NTNG1: variants seen among roughly 807,000 people sequenced by gnomAD.
NTNG1 encodes the protein netrin G1.
NTNG1 carries 16 observed loss-of-function variants against 54.0 expected under a neutral mutation model. The ratio of observed to expected loss-of-function variants is 0.30; its 90% CI spans 0.20 to 0.45. NTNG1 has a LOEUF of 0.45. NTNG1 is among the 20% of genes least tolerant of loss of function. The probability of loss-of-function intolerance (pLI) is 1.00; values close to 1 mark genes in which losing one functional copy is unlikely to be tolerated. For missense variants in NTNG1, 530 were observed against 678.7 expected (o/e 0.78, Z 2.43); for synonymous variants, 255 against 263.1 (o/e 0.97, Z 0.30).
intron 2 of NTNG1, 115 bp from the exon 3 acceptor site, chr1:107,324,167 T>A (rs1213017096): frequency 4.5e-6 from 4 of 886,612 alleles, no homozygotes; most frequent in Non-Finnish European, 7.1e-6. Flanking sequence ...TAAAAATGAT[T>A]ACTGAAAACA....
intron 2 of NTNG1, among the ~76,000 whole-genome samples, chr1:107,183,662 A>G (rs979511605): frequency 6.6e-6 from 1 of 152,166 alleles, no homozygotes; most frequent in Admixed American, 6.6e-5. Flanking sequence ...CATGCTTCAT[A>G]GAAATGTCAC....
At chr1:107,149,697 T>G (rs189547180) in intron 2 of NTNG1, among the ~76,000 whole-genome samples, 44 of 152,202 alleles carry the variant, frequency 2.9e-4, no homozygotes, top group Admixed American at 1.1e-3. Flanking sequence ...TAAGTATTAG[T>G]AAAGAGGCTG....
intron 2 of NTNG1, among the ~76,000 whole-genome samples, chr1:107,255,051 A>G (rs999164133): frequency 5.9e-5 from 9 of 152,222 alleles, no homozygotes; most frequent in Non-Finnish European, 2.9e-5. Context: ...GGCACTGAAA[A>G]TACCTAGGAC....
chr1:107,371,407 G>T (rs1670916084), intron 3 of NTNG1, among the ~76,000 whole-genome samples: 2 of 152,012 alleles, frequency 1.3e-5, no homozygotes, highest in East Asian at 1.9e-4. Context: ...GTTTATAAGG[G>T]TTATTGGCCT....
At chr1:107,379,809 C>T (rs1162634036) in intron 3 of NTNG1, among the ~76,000 whole-genome samples, 4 of 152,226 alleles carry the variant, frequency 2.6e-5, no homozygotes, top group South Asian at 4.2e-4. Context: ...GTTAAGCAAC[C>T]TGCTAGCAGG....
At chr1:107,475,578 C>T (rs1054109205) in intron 7 of NTNG1, among the ~76,000 whole-genome samples, 2 of 152,184 alleles carry the variant, frequency 1.3e-5, no homozygotes, top group African/African-American at 4.8e-5. Context: ...AATTCAAGTA[C>T]TTAGTCACCT....
chr1:107,256,895 G>A (rs911822427), intron 2 of NTNG1, among the ~76,000 whole-genome samples: 4 of 152,150 alleles, frequency 2.6e-5, no homozygotes, highest in African/African-American at 9.7e-5. Context: ...TCCTATACCT[G>A]TCAAAATGTC....
intron 3 of NTNG1, among the ~76,000 whole-genome samples, chr1:107,341,264 G>A (rs1201854898): frequency 1.3e-5 from 2 of 151,850 alleles, no homozygotes; most frequent in African/African-American, 2.4e-5. Context: ...TTATATTGAT[G>A]GACCGAGTTT....
chr1:107,323,512 A>T (rs960932620), intron 2 of NTNG1, among the ~76,000 whole-genome samples: 1 of 152,174 alleles, frequency 6.6e-6, no homozygotes, highest in Non-Finnish European at 1.5e-5. Flanking sequence ...TAACAAACAC[A>T]TCAAGTGGCT....
chr1:107,471,493 A>G (rs940634435), intron 7 of NTNG1, among the ~76,000 whole-genome samples: 7 of 152,214 alleles, frequency 4.6e-5, no homozygotes, highest in African/African-American at 1.7e-4. Context: ...ATGGAGCAGT[A>G]GATGCAGGTT....
intron 2 of NTNG1, among the ~76,000 whole-genome samples, chr1:107,197,375 C>T (rs1253005924): frequency 6.6e-6 from 1 of 151,996 alleles, no homozygotes; most frequent in Non-Finnish European, 1.5e-5. Context: ...TGGCAAACGT[C>T]AATACTTTGG....
intron 2 of NTNG1, among the ~76,000 whole-genome samples, chr1:107,169,293 T>C (rs72979572): frequency 0.02 from 2,990 of 152,260 alleles, 100 homozygotes; most frequent in African/African-American, 0.068. Flanking sequence ...ACAGTAGCAA[T>C]GCTTCCATTT....
At chr1:107,418,508 A>G in intron 5 of NTNG1, 1 of 1,032,534 alleles carries the variant, frequency 9.7e-7, no homozygotes, top group African/African-American at 1.6e-5. Flanking sequence ...CTTTATCCAT[A>G]TAATTTTCTG....
At chr1:107,382,961 A>G (rs1557951847) in intron 3 of NTNG1, among the ~76,000 whole-genome samples, 1 of 152,204 alleles carries the variant, frequency 6.6e-6, no homozygotes, top group Non-Finnish European at 1.5e-5. Flanking sequence ...ATTTTCCCCA[A>G]TTTTCCATAC....
intron 2 of NTNG1, among the ~76,000 whole-genome samples, chr1:107,253,668 C>T (rs900486743): frequency 5.3e-5 from 8 of 152,284 alleles, no homozygotes; most frequent in African/African-American, 1.4e-4. Context: ...TTAATGGCTT[C>T]GCTGATATTT....
chr1:107,234,274 C>A (rs1661259978), intron 2 of NTNG1, among the ~76,000 whole-genome samples: 1 of 152,096 alleles, frequency 6.6e-6, no homozygotes, highest in African/African-American at 2.4e-5. Flanking sequence ...AGATACCTGA[C>A]ACCAGGCCCG....
In NTNG1 at chr1:107,236,947, A is replaced by G. The variant is rs139102679; in HGVS notation, c.247-87335A>G. Among the ~76,000 whole-genome samples the G allele has an allele frequency of 4.3e-3, 651 of 152,264 alleles. 6 individuals carry two copies. The highest frequency in any genetic ancestry group is 0.014 in the African/African-American group (591 of 41,554). Reference sequence around the variant, plus strand: ...AAATGGACTAATACAGTAAATTGGTACCAGAAGTGGGGTGTTGCTGAAAAG... The same window carrying G: ...AAATGGACTAATACAGTAAATTGGTGCCAGAAGTGGGGTGTTGCTGAAAAG... On this transcript the variant is annotated intron_variant, in intron 2 of 7. Transcript: ENST00000370068.
At chr1:107,436,518 G>A in intron 6 of NTNG1, 147 bp from the exon 7 acceptor site, 1 of 556,302 alleles carries the variant, frequency 1.8e-6, no homozygotes, top group Non-Finnish European at 3.0e-6. Context: ...ATAAATGGTT[G>A]TGAAATAGCC....
intron 2 of NTNG1, among the ~76,000 whole-genome samples, chr1:107,190,836 T>C (rs1400737553): frequency 2.0e-5 from 3 of 152,212 alleles, no homozygotes; most frequent in Non-Finnish European, 4.4e-5. Context: ...TTGTTGGACA[T>C]TGAGGTTGGT....
Sources: gnomAD v4.1 joint callset for allele counts (sites outside exome capture counted in the v4.1 genomes callset) on GRCh38, gnomAD v4.1.1 for gene constraint, MANE v1.5 for transcripts, NCBI Gene and HGNC (gene_info 2026-07-23, HGNC 2026-07-21) for gene names.